The following COL8A1 variants were observed in gnomAD, a reference collection of about 807,000 sequenced individuals.
COL8A1 encodes collagen type VIII alpha 1 chain, also known as collagen alpha-1(VIII) chain.
A neutral mutation model predicts 42.7 loss-of-function variants in COL8A1; 21 were observed. The ratio of observed to expected loss-of-function variants is 0.49; its 90% CI spans 0.35 to 0.71. COL8A1 has a LOEUF of 0.71. COL8A1 is among the 30% of genes least tolerant of loss of function. COL8A1 has a pLI of 0.01. For synonymous variants in COL8A1, 367 were observed against 369.1 expected (o/e 0.99, Z 0.06); for missense variants, 788 against 962.4 (o/e 0.82, Z 2.40).
At chr3:99,672,914 C>G (rs990700748) in intron 1 of COL8A1, among the ~76,000 whole-genome samples, 1 of 151,894 alleles carries the variant, frequency 6.6e-6, no homozygotes, top group African/African-American at 2.4e-5. Flanking sequence ...GACTTGTGTT[C>G]GTGCACTGCT....
At chr3:99,713,391 C>T (rs1368773840) in intron 1 of COL8A1, among the ~76,000 whole-genome samples, 1 of 152,004 alleles carries the variant, frequency 6.6e-6, no homozygotes, top group African/African-American at 2.4e-5. Context: ...TTTTTGCTAC[C>T]CCAAGAACTT....
intron 1 of COL8A1, chr3:99,691,482 C>G (rs1939216917): frequency 6.6e-6 from 1 of 151,974 alleles, no homozygotes; most frequent in Non-Finnish European, 1.5e-5. Context: ...CATGGACCAG[C>G]AGCATCAGCA....
intron 1 of COL8A1, among the ~76,000 whole-genome samples, chr3:99,687,356 G>A (rs1171647508): frequency 6.6e-6 from 1 of 152,244 alleles, no homozygotes; most frequent in African/African-American, 2.4e-5. Flanking sequence ...AGGATTGTAT[G>A]ATAATGGAGG....
intron 1 of COL8A1, among the ~76,000 whole-genome samples, chr3:99,665,375 T>A (rs1012787209): frequency 6.6e-6 from 1 of 152,250 alleles, no homozygotes; most frequent in East Asian, 1.9e-4. Context: ...TCAGATAACA[T>A]GGAGGAGAGG....
intron 1 of COL8A1, among the ~76,000 whole-genome samples, chr3:99,741,952 T>C (rs1940910873): frequency 6.6e-6 from 1 of 152,192 alleles, no homozygotes; most frequent in Admixed American, 6.5e-5. Context: ...CAAACTCCCC[T>C]TCACCTTTTA....
chr3:99,749,084 A>G (rs1163467466), intron 2 of COL8A1, among the ~76,000 whole-genome samples: 1 of 152,234 alleles, frequency 6.6e-6, no homozygotes, highest in East Asian at 1.9e-4. Flanking sequence ...TTTACATACA[A>G]TCCCTAAATA....
intron 2 of COL8A1, among the ~76,000 whole-genome samples, chr3:99,779,498 G>T (rs1205813076): frequency 3.9e-5 from 6 of 152,174 alleles, no homozygotes; most frequent in Admixed American, 1.3e-4. Flanking sequence ...AATGTCTTCA[G>T]TTCTCTGAAT....
chr3:99,759,397 G>C (rs1941323372), intron 2 of COL8A1, among the ~76,000 whole-genome samples: 1 of 152,150 alleles, frequency 6.6e-6, no homozygotes, highest in South Asian at 2.1e-4. Context: ...GCGACAGAAA[G>C]ACTTCTATCC....
At chr3:99,742,193 A>AT (rs1263859895) in intron 1 of COL8A1, among the ~76,000 whole-genome samples, 5 of 152,216 alleles carry the variant, frequency 3.3e-5, no homozygotes, top group African/African-American at 1.2e-4. Context: ...TTGATTCTTA[A>AT]TTCTTTTCAT....
chr3:99,686,205 A>C (rs893165241), intron 1 of COL8A1, among the ~76,000 whole-genome samples: 8 of 152,186 alleles, frequency 5.3e-5, no homozygotes, highest in Admixed American at 3.9e-4. Flanking sequence ...TTTTACCATT[A>C]GTTACATTTT....
At chr3:99,700,945 A>C (rs774720340) in intron 1 of COL8A1, among the ~76,000 whole-genome samples, 6 of 152,302 alleles carry the variant, frequency 3.9e-5, no homozygotes, top group African/African-American at 1.4e-4. Context: ...GTAGCTTCCC[A>C]CGTATAGGCT....
intron 1 of COL8A1, among the ~76,000 whole-genome samples, chr3:99,657,586 T>G (rs558148966): frequency 6.6e-6 from 1 of 152,110 alleles, no homozygotes; most frequent in Non-Finnish European, 1.5e-5. Context: ...TTTACTCTTT[T>G]CTCCCCGCGA....
intron 1 of COL8A1, among the ~76,000 whole-genome samples, chr3:99,641,558 C>T (rs1213796116): frequency 1.3e-5 from 2 of 152,166 alleles, no homozygotes; most frequent in East Asian, 1.9e-4. Context: ...AGATGGGTCA[C>T]GTCAACAAAA....
chr3:99,730,646 A>T (rs541302387), intron 1 of COL8A1, among the ~76,000 whole-genome samples: 3 of 152,138 alleles, frequency 2.0e-5, no homozygotes, highest in Non-Finnish European at 4.4e-5. Flanking sequence ...TTTTATTAAG[A>T]CTTGTTCCTT....
intron 1 of COL8A1, among the ~76,000 whole-genome samples, chr3:99,742,237 T>A (rs1940917700): frequency 1.3e-5 from 2 of 152,230 alleles, no homozygotes; most frequent in East Asian, 3.8e-4. Context: ...ATTTGAAAAT[T>A]CACTTTATAA....
At chr3:99,702,189 C>T (rs1939559808) in intron 1 of COL8A1, among the ~76,000 whole-genome samples, 1 of 152,134 alleles carries the variant, frequency 6.6e-6, no homozygotes, top group Non-Finnish European at 1.5e-5. Context: ...TTAAACATTC[C>T]TGAGAAATGA....
At chr3:99,764,374 A>G (rs1475534409) in intron 2 of COL8A1, among the ~76,000 whole-genome samples, 1 of 152,200 alleles carries the variant, frequency 6.6e-6, no homozygotes, top group Non-Finnish European at 1.5e-5. Flanking sequence ...GCAGAACAAC[A>G]TTAGTATAAA....
At chr3:99,661,787 C>T (rs1406227459) in intron 1 of COL8A1, among the ~76,000 whole-genome samples, 2 of 151,954 alleles carry the variant, frequency 1.3e-5, no homozygotes, top group East Asian at 3.9e-4. Flanking sequence ...TATTATTCAA[C>T]CGAAGAAAGG....
At position 99,680,648 on chromosome 3, in the gene COL8A1, C is replaced by A. The variant is rs533492185; in HGVS notation, c.-129+41984C>A. 1.7e-3 allele frequency among the ~76,000 whole-genome samples: 261 copies of A among 152,256 alleles called. 5 individuals are homozygous for A. In the East Asian group the frequency reaches 0.048, roughly 28 times the overall value. The stretch of plus-strand genomic sequence containing the variant: ...GTATTCCTATTTCTCCACATCCTCT[C>A]CAGCACCTGTTGTTTCCTGACTTTT... On this transcript the variant is annotated intron_variant, in intron 1 of 3. Coordinates refer to ENST00000652472, the MANE Select transcript of COL8A1 (RefSeq NM_020351.4).
Sources: allele counts gnomAD v4.1 joint callset (sites outside exome capture counted in the v4.1 genomes callset), GRCh38; gene constraint gnomAD v4.1.1; transcripts MANE v1.5; gene names NCBI Gene and HGNC (gene_info 2026-07-23, HGNC 2026-07-21).